CNTN5: variants seen among roughly 807,000 people sequenced by gnomAD.
CNTN5 encodes contactin 5.
CNTN5 carries 77 observed loss-of-function variants against 129.1 expected under a neutral mutation model. That is an observed-to-expected ratio of 0.60 (90% confidence interval 0.50 to 0.72). The LOEUF (loss-of-function observed/expected upper bound fraction) is 0.72. Among genes scored for constraint, CNTN5 ranks in the 30% least tolerant of loss-of-function variants. The probability of loss-of-function intolerance (pLI) is 0.00; values close to 1 mark genes in which losing one functional copy is unlikely to be tolerated. For missense variants in CNTN5, 1,478 were observed against 1,328.8 expected (o/e 1.11, Z -1.75); for synonymous variants, 509 against 465.6 (o/e 1.09, Z -1.20).
At chr11:99,033,870 G>A (rs1863540183) in intron 1 of CNTN5, among the ~76,000 whole-genome samples, 1 of 151,180 alleles carries the variant, frequency 6.6e-6, no homozygotes, top group Admixed American at 6.6e-5. Context: ...AATGCTTCCA[G>A]TTTTTGCCCA....
intron 16 of CNTN5, among the ~76,000 whole-genome samples, chr11:100,234,041 A>T (rs1422866542): frequency 1.3e-5 from 2 of 152,242 alleles, no homozygotes; most frequent in Non-Finnish European, 1.5e-5. Flanking sequence ...AAACATGAAA[A>T]AAAGCTCATC....
intron 3 of CNTN5, among the ~76,000 whole-genome samples, chr11:99,579,864 T>G (rs934338645): frequency 4.0e-5 from 6 of 150,802 alleles, no homozygotes; most frequent in Non-Finnish European, 8.8e-5. Context: ...CTTCCAACAC[T>G]ATGTTGAATA....
At chr11:99,199,295 T>G (rs1859052053) in intron 1 of CNTN5, among the ~76,000 whole-genome samples, 1 of 152,176 alleles carries the variant, frequency 6.6e-6, no homozygotes, top group Non-Finnish European at 1.5e-5. Flanking sequence ...TTGGTGTCAC[T>G]GATTAAAGCA....
chr11:100,161,830 T>TACACATACAC (rs59930760), intron 13 of CNTN5, among the ~76,000 whole-genome samples: 2,837 of 125,846 alleles, frequency 0.023, 58 homozygotes, highest in East Asian at 0.068. Flanking sequence ...TGGAGCTTCC[T>TACACATACAC]ACACACACAC....
At chr11:99,152,448 G>A (rs1860111688) in intron 1 of CNTN5, among the ~76,000 whole-genome samples, 2 of 152,022 alleles carry the variant, frequency 1.3e-5, no homozygotes. Context: ...TGTTTTGTCT[G>A]AAATTGGAAT....
intron 2 of CNTN5, among the ~76,000 whole-genome samples, chr11:99,538,775 T>C (rs1947992099): frequency 6.6e-6 from 1 of 152,124 alleles, no homozygotes; most frequent in Non-Finnish European, 1.5e-5. Flanking sequence ...TGTTTGCCCA[T>C]TTCATGTATC....
At chr11:99,411,047 T>C (rs1341959633) in intron 2 of CNTN5, among the ~76,000 whole-genome samples, 3 of 152,256 alleles carry the variant, frequency 2.0e-5, no homozygotes, top group Admixed American at 1.3e-4. Context: ...TTCATTATTC[T>C]TTATGAATTG....
At chr11:99,313,854 A>G (rs986512229) in intron 1 of CNTN5, among the ~76,000 whole-genome samples, 3 of 152,044 alleles carry the variant, frequency 2.0e-5, no homozygotes, top group Non-Finnish European at 4.4e-5. Context: ...ATCAGTTTAT[A>G]TTGCTTCATC....
intron 13 of CNTN5, among the ~76,000 whole-genome samples, chr11:100,081,682 A>G (rs1944370355): frequency 6.6e-6 from 1 of 152,180 alleles, no homozygotes; most frequent in South Asian, 2.1e-4. Flanking sequence ...TGGATTCTGG[A>G]AATTATGTAA....
At chr11:99,577,016 T>C (rs1949377290) in intron 3 of CNTN5, among the ~76,000 whole-genome samples, 1 of 152,164 alleles carries the variant, frequency 6.6e-6, no homozygotes, top group Non-Finnish European at 1.5e-5. Context: ...GAAAAAATGT[T>C]GAGGGATTTC....
intron 2 of CNTN5, among the ~76,000 whole-genome samples, chr11:99,400,589 T>C (rs1433007650): frequency 6.6e-6 from 1 of 152,096 alleles, no homozygotes; most frequent in African/African-American, 2.4e-5. Flanking sequence ...ATGGGGGATA[T>C]AGTCCCAGTG....
intron 1 of CNTN5, among the ~76,000 whole-genome samples, chr11:99,201,351 T>TTCCTTCCATCC (rs59358470): frequency 1.1e-5 from 1 of 88,154 alleles, no homozygotes; most frequent in Non-Finnish European, 2.2e-5. Flanking sequence ...CTTCCTTTCC[T>TTCCTTCCATCC]TTCCTTCCTT....
intron 9 of CNTN5, among the ~76,000 whole-genome samples, chr11:100,029,481 G>A (rs1417301494): frequency 6.6e-6 from 1 of 152,096 alleles, no homozygotes; most frequent in Non-Finnish European, 1.5e-5. Context: ...TACTCGGGAG[G>A]CTGAGGCAGG....
At chr11:99,385,656 T>C (rs991583801) in intron 2 of CNTN5, among the ~76,000 whole-genome samples, 2 of 152,172 alleles carry the variant, frequency 1.3e-5, no homozygotes, top group Non-Finnish European at 2.9e-5. Flanking sequence ...GAGGCTCTTT[T>C]TGTTGAAAAT....
At chr11:99,866,537 G>T (rs1413970131) in intron 6 of CNTN5, among the ~76,000 whole-genome samples, 1 of 152,030 alleles carries the variant, frequency 6.6e-6, no homozygotes, top group Non-Finnish European at 1.5e-5. Flanking sequence ...CAAAACTCAG[G>T]GTATCTGCTA....
At chr11:99,355,022 G>A (rs1432742167) in intron 2 of CNTN5, among the ~76,000 whole-genome samples, 1 of 152,094 alleles carries the variant, frequency 6.6e-6, no homozygotes, top group South Asian at 2.1e-4. Context: ...TGTTATCTCT[G>A]TCTGGAAAGA....
intron 13 of CNTN5, among the ~76,000 whole-genome samples, chr11:100,131,085 G>A (rs1199588508): frequency 6.6e-6 from 1 of 151,990 alleles, no homozygotes; most frequent in Non-Finnish European, 1.5e-5. Flanking sequence ...ATATCCTCGT[G>A]GCAATGGTAA....
rs374820314 is a variant in CNTN5, at chr11:99,557,668, G to A, written c.55+1399G>A. On this transcript the variant is annotated intron_variant, in intron 3 of 24. Coordinates refer to ENST00000524871, the MANE Select transcript of CNTN5 (RefSeq NM_014361.4). ...AGCCTTTATACTATTATTACTATTC[G>A]TAATGTACCAAAAGTATAACTTCAA... Among the ~76,000 whole-genome samples, 6 of 151,230 alleles carry A rather than the reference G, an allele frequency of 4.0e-5. No homozygotes were observed. The South Asian group carries it at 8.3e-4, about 21-fold the overall frequency.
At position 100,022,985 on chromosome 11, in the gene CNTN5, T is replaced by C. The variant is rs146586222; in HGVS notation, c.980+20849T>C. ...TAATAAGTTTTATGGAATTTTATTA[T>C]AGTGTACCTAATTTAGTTTTCTTCA... On this transcript the variant is annotated intron_variant, in intron 9 of 24. Coordinates refer to ENST00000524871, the MANE Select transcript of CNTN5 (RefSeq NM_014361.4). Among the ~76,000 whole-genome samples, 935 of 152,288 alleles carry C rather than the reference T, an allele frequency of 6.1e-3. 3 individuals are homozygous for C. The highest frequency in any genetic ancestry group is 9.3e-3 in the Non-Finnish European group (633 of 68,010).
Sources: allele counts gnomAD v4.1 joint callset (sites outside exome capture counted in the v4.1 genomes callset), GRCh38; gene constraint gnomAD v4.1.1; transcripts MANE v1.5; gene names NCBI Gene and HGNC (gene_info 2026-07-23, HGNC 2026-07-21).